Variants in POLN observed in about 807,000 individuals in gnomAD.
The protein encoded by POLN is DNA polymerase nu.
In POLN, 108 loss-of-function variants were observed where a neutral mutation model predicts 113.5. That is an observed-to-expected ratio of 0.95 (90% CI 0.81 to 1.12). The LOEUF (loss-of-function observed/expected upper bound fraction) is 1.12, where lower values mean the gene tolerates loss of function less well. POLN is among the 50% of genes most tolerant of loss of function. The probability of loss-of-function intolerance (pLI) is 0.00; values close to 1 mark genes in which losing one functional copy is unlikely to be tolerated. For missense variants in POLN, 1,097 were observed against 1,077.1 expected, an observed-to-expected ratio of 1.02 and a Z score of -0.26; for synonymous variants, 386 against 391.5, an observed-to-expected ratio of 0.99 and a Z score of 0.17.
intron 11 of POLN, among the ~76,000 whole-genome samples, chr4:2,172,387 C>T (rs182572756): frequency 6.1e-4 from 40 of 65,224 alleles, no homozygotes; most frequent in South Asian, 5.2e-3. Flanking sequence ...CTAAGCCAAC[C>T]GCCTCCAACA....
chr4:2,168,812 C>T (rs1732791576), intron 13 of POLN, among the ~76,000 whole-genome samples: 1 of 152,204 alleles, frequency 6.6e-6, no homozygotes, highest in Non-Finnish European at 1.5e-5. Context: ...CCCAGTGCTC[C>T]ACGAACACAC....
At chr4:2,143,546 A>G (rs1342554559) in intron 16 of POLN, among the ~76,000 whole-genome samples, 1 of 152,242 alleles carries the variant, frequency 6.6e-6, no homozygotes, top group Non-Finnish European at 1.5e-5. Context: ...ACTTGAACTC[A>G]TAATTTTAAA....
chr4:2,150,952 T>C (rs1316852266), intron 16 of POLN, among the ~76,000 whole-genome samples: 2 of 152,244 alleles, frequency 1.3e-5, no homozygotes, highest in African/African-American at 2.4e-5. Context: ...GCATGATCCA[T>C]GTAAGAACTC....
intron 3 of POLN, among the ~76,000 whole-genome samples, chr4:2,218,809 C>T (rs894209475): frequency 6.6e-6 from 1 of 152,194 alleles, no homozygotes; most frequent in African/African-American, 2.4e-5. Flanking sequence ...AGCCCACCAG[C>T]TGTCATTAGG....
At chr4:2,075,335 G>C in intron 24 of POLN, 117 bp downstream of exon 24, 1 of 1,099,436 alleles carries the variant, frequency 9.1e-7, no homozygotes. Context: ...ATGAGGTGGG[G>C]CAGGGGCCAT....
chr4:2,180,137 C>T (rs35920806), intron 7 of POLN, among the ~76,000 whole-genome samples: 6,392 of 152,268 alleles, frequency 0.042, 204 homozygotes, highest in African/African-American at 0.078. Context: ...GGCCACCTCG[C>T]CCCTTCAGTG....
chr4:2,203,887 A>C (rs1162093619), intron 5 of POLN, among the ~76,000 whole-genome samples: 1 of 152,120 alleles, frequency 6.6e-6, no homozygotes, highest in Non-Finnish European at 1.5e-5. Flanking sequence ...AGGAGGGTGG[A>C]TCACCTGAGG....
chr4:2,174,074 A>G (rs1732935382), intron 10 of POLN, 55 bp from the exon 11 acceptor site: 1 of 1,548,874 alleles, frequency 6.5e-7, no homozygotes, highest in Non-Finnish European at 8.9e-7. Context: ...TCTTTTTACT[A>G]AAGACTAAAA....
intron 2 of POLN, among the ~76,000 whole-genome samples, chr4:2,239,446 T>A (rs1455498541): frequency 1.3e-5 from 2 of 152,202 alleles, no homozygotes; most frequent in East Asian, 3.8e-4. Flanking sequence ...ATTTCCTATA[T>A]CATTCAAATG....
chr4:2,203,574 T>A (rs1733768839), intron 5 of POLN, among the ~76,000 whole-genome samples: 1 of 146,230 alleles, frequency 6.8e-6, no homozygotes, highest in Non-Finnish European at 1.5e-5. Context: ...AGCAAGACTC[T>A]GTCTAAAAAA....
chr4:2,162,748 T>G lies in POLN; in HGVS notation c.1555-3537A>C, dbSNP rs1003197344. On this transcript the variant is annotated intron_variant, in intron 13 of 25. Transcript: ENST00000511885. ...CTGGAATTACAGGCATGAGCCACCATGCCCGGCCCGATTTTATTTTTTTTT... is the reference window on the plus strand; with the variant it reads ...CTGGAATTACAGGCATGAGCCACCAGGCCCGGCCCGATTTTATTTTTTTTT... Among the ~76,000 whole-genome samples the G allele has an allele frequency of 7.2e-5, 11 of 152,198 alleles. No individual in the cohort carries two copies. In the East Asian group the frequency reaches 2.1e-3, roughly 29 times the overall value.
At chr4:2,160,497 C>T (rs1732553844) in intron 13 of POLN, among the ~76,000 whole-genome samples, 1 of 152,070 alleles carries the variant, frequency 6.6e-6, no homozygotes, top group South Asian at 2.1e-4. Context: ...ACCTTAAACT[C>T]CTGGGTTCAA....
intron 7 of POLN, among the ~76,000 whole-genome samples, chr4:2,187,435 G>C (rs533668746): frequency 1.1e-3 from 161 of 152,094 alleles, no homozygotes; most frequent in African/African-American, 3.7e-3. Context: ...GTAGAGACAG[G>C]GTTTCACCAT....
intron 16 of POLN, among the ~76,000 whole-genome samples, chr4:2,151,709 C>T (rs918805010): frequency 2.0e-5 from 3 of 152,090 alleles, no homozygotes; most frequent in African/African-American, 7.2e-5. Context: ...GAAAGGAGCC[C>T]GACAGGAGGA....
intron 10 of POLN, 73 bp from the exon 11 acceptor site, chr4:2,174,092 C>T: frequency 7.1e-7 from 1 of 1,416,474 alleles, no homozygotes; most frequent in East Asian, 2.3e-5. Context: ...AAATGCTTCG[C>T]TCCCTGATGA....
intron 16 of POLN, among the ~76,000 whole-genome samples, chr4:2,141,247 G>A (rs1319328671): frequency 2.0e-5 from 3 of 152,228 alleles, no homozygotes; most frequent in South Asian, 2.1e-4. Context: ...CTGAACACAT[G>A]GATTGTGGTA....
chr4:2,081,064 G>T, intron 22 of POLN, 28 bp from the exon 23 acceptor site: 1 of 1,613,150 alleles, frequency 6.2e-7, no homozygotes, highest in South Asian at 1.1e-5. Context: ...CTGTCTTGAG[G>T]TCCCATGGCA....
chr4:2,094,638 G>C (rs1378774346), intron 20 of POLN, among the ~76,000 whole-genome samples: 1 of 152,222 alleles, frequency 6.6e-6, no homozygotes, highest in Non-Finnish European at 1.5e-5. Context: ...GCAGAAGTGA[G>C]GGATGGGTTC....
rs1480233487 is a variant in POLN, at chr4:2,193,409, C to T, written c.909-93G>A. ...ATTACTACTCAACTAACAGCTATCA[C>T]TTAGATAGCACATACACACATTCAC... On this transcript the variant is annotated intron_variant, in intron 6 of 25. Transcript: ENST00000511885. 5 of 732,132 alleles carry T rather than the reference C, an allele frequency of 6.8e-6. No homozygotes were observed. The African/African-American group carries it at 9.3e-5, about 14-fold the overall frequency. The allele number at this position is 732,132 out of a possible 1,614,324, so 45.4% of individuals were successfully genotyped here. A position where few individuals can be genotyped will look rare whatever the true frequency, so the allele number is the denominator to read the frequency against.
Sources: allele counts gnomAD v4.1 joint callset (sites outside exome capture counted in the v4.1 genomes callset), GRCh38; gene constraint gnomAD v4.1.1; transcripts MANE v1.5; gene names NCBI Gene and HGNC (gene_info 2026-07-23, HGNC 2026-07-21).